Variants in GRIN3A observed in about 807,000 individuals in gnomAD.
GRIN3A encodes the protein glutamate receptor ionotropic, NMDA 3A.
Under a neutral mutation model 92.4 loss-of-function variants are expected in GRIN3A, and 47 were observed. The ratio of observed to expected loss-of-function variants is 0.51; its 90% CI spans 0.40 to 0.65. The LOEUF is 0.65. Ranked by LOEUF, GRIN3A falls within the 30% of genes least tolerant of loss-of-function variation. The pLI is 0.00. For synonymous variants in GRIN3A, 527 were observed against 540.6 expected, an observed-to-expected ratio of 0.97 and a Z score of 0.35; for missense variants, 1,324 against 1,393.1, an observed-to-expected ratio of 0.95 and a Z score of 0.79.
At chr9:101,676,451 T>C (rs1354124563) in intron 2 of GRIN3A, among the ~76,000 whole-genome samples, 1 of 152,016 alleles carries the variant, frequency 6.6e-6, no homozygotes, top group Non-Finnish European at 1.5e-5. Flanking sequence ...CTTTCTCTTA[T>C]ATCTTGAAAA....
chr9:101,724,512 G>A (rs894407639), intron 1 of GRIN3A, among the ~76,000 whole-genome samples: 2 of 152,172 alleles, frequency 1.3e-5, no homozygotes, highest in African/African-American at 4.8e-5. Flanking sequence ...CCTGCAAGCT[G>A]AGGGAGCAGG....
In GRIN3A at chr9:101,670,624, G is replaced by A. The variant is rs144050853; in HGVS notation, c.1788C>T (p.Asp596=). 20 of 1,613,912 alleles carry A rather than the reference G, an allele frequency of 1.2e-5. No homozygotes were observed. The African/African-American group carries it at 2.4e-4, about 19-fold the overall frequency. Residue 596 remains aspartate (D), a synonymous_variant, in exon 3 of 9, where the codon GAC becomes GAT. Transcript: ENST00000361820. ...KIAEDMNFDF[D]LYIVGDGKYG... ...ACTTTCCATCCCCTACAATATAGAG[G>A]TCGAAGTCAAAGTTCATGTCTTCTG...
chr9:101,643,075 T>A (rs889310838), intron 3 of GRIN3A, among the ~76,000 whole-genome samples: 5 of 152,124 alleles, frequency 3.3e-5, no homozygotes, highest in Non-Finnish European at 7.4e-5. Context: ...TTCCCCACCA[T>A]CTGTGGAAAA....
chr9:101,603,209 T>G (rs1443054654), intron 6 of GRIN3A, among the ~76,000 whole-genome samples: 2 of 152,074 alleles, frequency 1.3e-5, no homozygotes, highest in Non-Finnish European at 2.9e-5. Flanking sequence ...ATGCTTGTAA[T>G]GATAAGATGC....
intron 7 of GRIN3A, among the ~76,000 whole-genome samples, 178 bp from the exon 8 acceptor site, chr9:101,578,022 A>G (rs1827848003): frequency 6.6e-6 from 1 of 152,230 alleles, no homozygotes; most frequent in Non-Finnish European, 1.5e-5. Flanking sequence ...ACAGAACAAA[A>G]ATTCTAATTA....
intron 6 of GRIN3A, among the ~76,000 whole-genome samples, chr9:101,606,771 A>G (rs1251284957): frequency 6.6e-6 from 1 of 152,206 alleles, no homozygotes; most frequent in Non-Finnish European, 1.5e-5. Flanking sequence ...TGGATATTTT[A>G]GTAATCCCTT....
chr9:101,672,404 A>T (rs1468923241), intron 2 of GRIN3A, among the ~76,000 whole-genome samples: 2 of 152,170 alleles, frequency 1.3e-5, no homozygotes, highest in Non-Finnish European at 2.9e-5. Flanking sequence ...CAATTTTAAA[A>T]GTGGGAAACA....
chr9:101,581,034 T>C (rs1827881105), intron 6 of GRIN3A, among the ~76,000 whole-genome samples: 1 of 152,216 alleles, frequency 6.6e-6, no homozygotes, highest in African/African-American at 2.4e-5. Flanking sequence ...ATACATAATA[T>C]ATTGAGTTAA....
At position 101,709,508 on chromosome 9, in the gene GRIN3A, C is replaced by T. The variant is rs536910703; in HGVS notation, c.700-22308G>A. Among the ~76,000 whole-genome samples the T allele has an allele frequency of 2.5e-4, 38 of 152,264 alleles. 2 individuals carry two copies. The South Asian group carries it at 4.6e-3, about 18-fold the overall frequency. On this transcript the variant is annotated intron_variant, in intron 1 of 8. Transcript: ENST00000361820. ...CCATAGTTGATGTTGTAGCAGCTCACGCTGCCGTCTAAGTTCTCAGAAGGA... is the reference window on the plus strand; with the variant it reads ...CCATAGTTGATGTTGTAGCAGCTCATGCTGCCGTCTAAGTTCTCAGAAGGA...
chr9:101,643,654 G>GTCTCTC (rs74810886), intron 3 of GRIN3A, among the ~76,000 whole-genome samples: 66 of 147,066 alleles, frequency 4.5e-4, no homozygotes, highest in Admixed American at 6.8e-4. Flanking sequence ...CAACCTAAAT[G>GTCTCTC]TCTCTCTCTC....
intron 6 of GRIN3A, among the ~76,000 whole-genome samples, chr9:101,603,316 A>AT (rs1200582314): frequency 3.3e-5 from 5 of 152,056 alleles, no homozygotes; most frequent in South Asian, 4.1e-4. Flanking sequence ...AAATATATGT[A>AT]TTTTTTCTGC....
At chr9:101,592,228 G>A (rs962943391) in intron 6 of GRIN3A, 2 of 152,198 alleles carry the variant, frequency 1.3e-5, no homozygotes, top group Non-Finnish European at 2.9e-5. Flanking sequence ...CTTGGACATG[G>A]GCTGTACACT....
intron 6 of GRIN3A, chr9:101,594,277 G>A: frequency 8.5e-7 from 1 of 1,177,264 alleles, no homozygotes; most frequent in Non-Finnish European, 1.2e-6. Context: ...TGAAGCTCCT[G>A]TTAGGACATA....
intron 5 of GRIN3A, among the ~76,000 whole-genome samples, chr9:101,622,644 G>GT (rs369957766): frequency 6.6e-5 from 10 of 151,208 alleles, no homozygotes; most frequent in South Asian, 2.1e-4. Context: ...TATAGAATGA[G>GT]TTTTTTTTTC....
Position 101,628,374 on chromosome 9 carries a change from A to G in GRIN3A, c.2380T>C (p.Phe794Leu). ...GCACTGCTTTCTCGGACAGTTCCAAAGCGGAATCCTTGGGAAGGATGATGT... is the reference window on the plus strand; with the variant it reads ...GCACTGCTTTCTCGGACAGTTCCAAGGCGGAATCCTTGGGAAGGATGATGT... ...KLHHPSQGFR[F>L]GTVRESSAED... The change falls in exon 4 of 9, where the codon TTT becomes CTT. Residue 794 changes from phenylalanine (F) to leucine (L), a missense_variant. By Grantham distance (22) the Phe-to-Leu change is conservative. Transcript: ENST00000361820. The G allele has an allele frequency of 1.2e-6, 2 of 1,613,946 alleles. No individual in the cohort carries two copies. Among genetic ancestry groups the G allele is most frequent in the Non-Finnish European group, 1.7e-6 (2 of 1,179,904 alleles).
chr9:101,581,880 C>A (rs1206688135), intron 6 of GRIN3A, among the ~76,000 whole-genome samples: 2 of 152,154 alleles, frequency 1.3e-5, no homozygotes, highest in Non-Finnish European at 2.9e-5. Context: ...GTGTAAGGCA[C>A]AATTCTGAGC....
chr9:101,729,878 T>C (rs1172452880), intron 1 of GRIN3A, among the ~76,000 whole-genome samples: 4 of 152,076 alleles, frequency 2.6e-5, no homozygotes, highest in Non-Finnish European at 5.9e-5. Context: ...CCCAACTCAA[T>C]TTTTTCTAAA....
chr9:101,643,511 A>C (rs1204720844), intron 3 of GRIN3A, among the ~76,000 whole-genome samples: 2 of 152,094 alleles, frequency 1.3e-5, no homozygotes, highest in Non-Finnish European at 2.9e-5. Context: ...AAAAACTAAA[A>C]ATAGAACTGC....
chr9:101,670,775 G>C lies in GRIN3A; in HGVS notation c.1637C>G (p.Pro546Arg). 1 of 1,614,020 alleles carries C rather than the reference G, an allele frequency of 6.2e-7. No homozygotes were observed. The highest frequency in any genetic ancestry group is 1.3e-5 in the African/African-American group (1 of 75,026). The change falls in exon 3 of 9, where the codon CCC becomes CGC. Residue 546 changes from proline to arginine, a missense_variant. Transcript: ENST00000361820. The part of the protein sequence containing the change: ...LCPAGQLCLD[P>R]MTNDSSTLDS... Reference sequence around the variant, plus strand: ...CAATGTGGAAGAGTCATTAGTCATGGGGTCTAGACAGAGTTGGCCAGCAGG... The same window carrying C: ...CAATGTGGAAGAGTCATTAGTCATGCGGTCTAGACAGAGTTGGCCAGCAGG...
Sources: gnomAD v4.1 joint callset for allele counts (sites outside exome capture counted in the v4.1 genomes callset) on GRCh38, gnomAD v4.1.1 for gene constraint, MANE v1.5 for transcripts, NCBI Gene and HGNC (gene_info 2026-07-23, HGNC 2026-07-21) for gene names.